The following CACNG3 variants were observed in gnomAD, a reference collection of about 807,000 sequenced individuals.
CACNG3 encodes calcium voltage-gated channel auxiliary subunit gamma 3, also known as voltage-dependent calcium channel gamma-3 subunit.
A neutral mutation model predicts 28.5 loss-of-function variants in CACNG3; 3 were observed. That is an observed-to-expected ratio of 0.11 (90% CI 0.05 to 0.27). CACNG3 has a LOEUF of 0.27. Ranked by LOEUF, CACNG3 falls within the 10% of genes least tolerant of loss-of-function variation. The probability of loss-of-function intolerance (pLI) is 1.00; values close to 1 mark genes in which losing one functional copy is unlikely to be tolerated. For missense variants in CACNG3, 236 were observed against 414.4 expected, an observed-to-expected ratio of 0.57 and a Z score of 3.74; for synonymous variants, 174 against 162.2, an observed-to-expected ratio of 1.07 and a Z score of -0.55.
chr16:24,271,865 C>T (rs1001018423), intron 1 of CACNG3, among the ~76,000 whole-genome samples: 1 of 149,092 alleles, frequency 6.7e-6, no homozygotes, highest in East Asian at 2.0e-4. Context: ...GTGAGTCCCC[C>T]AAGGTGCCCC....
chr16:24,355,159 G>A (rs561067034), intron 3 of CACNG3, among the ~76,000 whole-genome samples, 186 bp downstream of exon 3: 2 of 148,840 alleles, frequency 1.3e-5, no homozygotes, highest in South Asian at 2.1e-4. Context: ...AGCTAAAGCC[G>A]GCATGAAGGA....
intron 1 of CACNG3, among the ~76,000 whole-genome samples, chr16:24,304,066 A>T (rs1178304115): frequency 6.6e-6 from 1 of 152,210 alleles, no homozygotes; most frequent in Non-Finnish European, 1.5e-5. Context: ...AAACAATTTC[A>T]GTTCCAGGAA....
intron 1 of CACNG3, among the ~76,000 whole-genome samples, chr16:24,317,139 T>G (rs1899362321): frequency 6.6e-6 from 1 of 152,204 alleles, no homozygotes; most frequent in Non-Finnish European, 1.5e-5. Flanking sequence ...CTCAGGGGCA[T>G]GCTAGGTGCT....
intron 1 of CACNG3, among the ~76,000 whole-genome samples, chr16:24,292,129 T>C (rs1436871334): frequency 6.6e-6 from 1 of 152,034 alleles, no homozygotes; most frequent in Non-Finnish European, 1.5e-5. Context: ...AGGAAGGCAT[T>C]CAGGATGAGC....
intron 1 of CACNG3, among the ~76,000 whole-genome samples, chr16:24,302,458 AT>A (rs562827999): frequency 7.3e-5 from 11 of 151,556 alleles, no homozygotes; most frequent in Non-Finnish European, 1.3e-4. Context: ...ATTTTTTTTT[AT>A]TTTTTTATTT....
chr16:24,281,804 A>T (rs773739534), intron 1 of CACNG3, among the ~76,000 whole-genome samples: 24 of 152,212 alleles, frequency 1.6e-4, no homozygotes, highest in Admixed American at 1.6e-3. Context: ...TCATGACAAC[A>T]CTTTGAGATA....
At chr16:24,317,624 A>AAGAAAGACAGAC (rs1567217516) in intron 1 of CACNG3, among the ~76,000 whole-genome samples, 15 of 56,666 alleles carry the variant, frequency 2.6e-4, no homozygotes, top group Non-Finnish European at 4.9e-4. Context: ...GAAAGAAAGA[A>AAGAAAGACAGAC]AGACAGACAG....
At position 24,355,514 on chromosome 16, in the gene CACNG3, T is replaced by A. The variant is rs562207581; in HGVS notation, c.436+541T>A. Reference sequence around the variant, plus strand: ...GGGGGGATCACTTGAGCCCAGGACGTCAAGGCTGCAGTGAGCCAAGATCTT... The same window carrying A: ...GGGGGGATCACTTGAGCCCAGGACGACAAGGCTGCAGTGAGCCAAGATCTT... On this transcript the variant is annotated intron_variant, in intron 3 of 3. Coordinates refer to ENST00000005284, the MANE Select transcript of CACNG3 (RefSeq NM_006539.4). 2.0e-5 allele frequency among the ~76,000 whole-genome samples: 3 copies of A among 152,294 alleles called. No individual in the cohort carries two copies. In the South Asian group the frequency reaches 6.2e-4, roughly 32 times the overall value.
intron 1 of CACNG3, among the ~76,000 whole-genome samples, chr16:24,268,367 C>A (rs1274634700): frequency 6.6e-6 from 1 of 152,206 alleles, no homozygotes; most frequent in Non-Finnish European, 1.5e-5. Context: ...AAACCACAGT[C>A]TCACCCTAAT....
chr16:24,358,768 T>C (rs890054935), intron 3 of CACNG3, among the ~76,000 whole-genome samples: 10 of 152,202 alleles, frequency 6.6e-5, no homozygotes, highest in Non-Finnish European at 4.4e-5. Context: ...AACCATTTTC[T>C]ATTAGGTTGA....
At chr16:24,317,561 A>G (rs1483167183) in intron 1 of CACNG3, among the ~76,000 whole-genome samples, 2 of 28,416 alleles carry the variant, frequency 7.0e-5, no homozygotes, top group African/African-American at 4.1e-4. Flanking sequence ...AGAAAAAGAA[A>G]GAAAGAAAGA....
intron 1 of CACNG3, among the ~76,000 whole-genome samples, chr16:24,315,262 C>T (rs925113557): frequency 6.6e-6 from 1 of 152,182 alleles, no homozygotes. Context: ...CCCATCTCTG[C>T]ATCTCACCCA....
At chr16:24,290,814 T>C (rs1898956447) in intron 1 of CACNG3, among the ~76,000 whole-genome samples, 1 of 152,160 alleles carries the variant, frequency 6.6e-6, no homozygotes, top group Admixed American at 6.6e-5. Flanking sequence ...TTAACAAGTG[T>C]TTGATAAACA....
intron 1 of CACNG3, among the ~76,000 whole-genome samples, chr16:24,291,868 G>A (rs543414559): frequency 2.0e-5 from 3 of 152,276 alleles, no homozygotes; most frequent in South Asian, 2.1e-4. Context: ...CTAAGTGTTA[G>A]CTATTAACGT....
At position 24,311,935 on chromosome 16, in the gene CACNG3, G is replaced by A. The variant is rs74664201; in HGVS notation, c.212-34799G>A. The stretch of plus-strand genomic sequence containing the variant: ...GGTGCTTCTCCAAGCCAGGACTATC[G>A]TCCACAGACCAGGGTATTTCTGGTC... On this transcript the variant is annotated intron_variant, in intron 1 of 3. Transcript: ENST00000005284. Among the ~76,000 whole-genome samples, 354 of 152,346 alleles carry A rather than the reference G, an allele frequency of 2.3e-3. 2 individuals are homozygous for A. Among genetic ancestry groups the A allele is most frequent in the African/African-American group, 8.3e-3 (345 of 41,580 alleles).
At chr16:24,342,556 A>T (rs1386367623) in intron 1 of CACNG3, among the ~76,000 whole-genome samples, 1 of 152,202 alleles carries the variant, frequency 6.6e-6, no homozygotes, top group African/African-American at 2.4e-5. Flanking sequence ...GTTGTTAAAC[A>T]GCCAGAGAGT....
At chr16:24,278,241 A>G (rs1423064738) in intron 1 of CACNG3, among the ~76,000 whole-genome samples, 4 of 151,956 alleles carry the variant, frequency 2.6e-5, no homozygotes, top group Non-Finnish European at 4.4e-5. Flanking sequence ...AGAGCTTCCA[A>G]TAAGACTGTA....
At chr16:24,303,130 T>A (rs1172195897) in intron 1 of CACNG3, among the ~76,000 whole-genome samples, 2 of 151,978 alleles carry the variant, frequency 1.3e-5, no homozygotes, top group African/African-American at 2.4e-5. Context: ...ATTGTTAAGG[T>A]GCAACTGGGC....
chr16:24,323,961 T>C (rs1401595649), intron 1 of CACNG3, among the ~76,000 whole-genome samples: 1 of 152,038 alleles, frequency 6.6e-6, no homozygotes, highest in Non-Finnish European at 1.5e-5. Context: ...TGAGATGGGG[T>C]TTCACCATGT....
Sources: allele counts gnomAD v4.1 joint callset (sites outside exome capture counted in the v4.1 genomes callset), GRCh38; gene constraint gnomAD v4.1.1; transcripts MANE v1.5; gene names NCBI Gene and HGNC (gene_info 2026-07-23, HGNC 2026-07-21).